Variants in DGKG observed in about 807,000 individuals in gnomAD.
DGKG encodes the protein diacylglycerol kinase gamma.
A neutral mutation model predicts 105.3 loss-of-function variants in DGKG; 78 were observed. The ratio of observed to expected loss-of-function variants is 0.74; its 90% CI spans 0.62 to 0.89. The LOEUF is 0.89. DGKG is among the 40% of genes least tolerant of loss of function. DGKG has a pLI of 0.00. For synonymous variants in DGKG, 346 were observed against 367.1 expected, an observed-to-expected ratio of 0.94 and a Z score of 0.66; for missense variants, 958 against 1,020.1, an observed-to-expected ratio of 0.94 and a Z score of 0.83.
chr3:186,176,780 G>T (rs1472149400), intron 22 of DGKG, among the ~76,000 whole-genome samples: 1 of 152,214 alleles, frequency 6.6e-6, no homozygotes. Flanking sequence ...CCAAGTAAGT[G>T]ATTAACACAT....
intron 20 of DGKG, among the ~76,000 whole-genome samples, chr3:186,223,843 T>C (rs1432800278): frequency 6.6e-6 from 1 of 152,248 alleles, no homozygotes; most frequent in Non-Finnish European, 1.5e-5. Context: ...TCACCTGGCC[T>C]GGTGGTGCAG....
chr3:186,159,986 A>C (rs1193042246), intron 24 of DGKG: 1 of 178,132 alleles, frequency 5.6e-6, no homozygotes, highest in Non-Finnish European at 1.1e-5. Context: ...GCCTCCCCAG[A>C]AACCAGCCCT....
At chr3:186,275,731 C>T in intron 9 of DGKG, 67 bp from the exon 10 acceptor site, 1 of 1,014,656 alleles carries the variant, frequency 9.9e-7, no homozygotes. Flanking sequence ...CAGGGGCTGC[C>T]TCTTGCATGT....
intron 20 of DGKG, among the ~76,000 whole-genome samples, chr3:186,237,217 A>G (rs55714289): frequency 0.082 from 12,520 of 152,132 alleles, 900 homozygotes; most frequent in African/African-American, 0.19. Context: ...TACTGGCAAA[A>G]GTGTCTTCTT....
intron 19 of DGKG, among the ~76,000 whole-genome samples, chr3:186,243,040 G>A (rs993025900): frequency 1.3e-5 from 2 of 151,908 alleles, no homozygotes; most frequent in African/African-American, 4.8e-5. Context: ...ATAGCATAGA[G>A]TTCCTAGGTC....
chr3:186,191,786 T>TA (rs1717920325), intron 21 of DGKG, among the ~76,000 whole-genome samples: 2 of 152,230 alleles, frequency 1.3e-5, no homozygotes, highest in Admixed American at 6.5e-5. Context: ...CCTTTGCGTG[T>TA]ATGTGTACAG....
At chr3:186,294,536 CAAAAA>C (rs10574886) in intron 5 of DGKG, among the ~76,000 whole-genome samples, 3,801 of 106,858 alleles carry the variant, frequency 0.036, 196 homozygotes, top group African/African-American at 0.12. Context: ...AACTCTGTCT[CAAAAA>C]AAAAAAAAAA....
chr3:186,278,849 A>G (rs1225657940), intron 9 of DGKG, among the ~76,000 whole-genome samples: 1 of 152,146 alleles, frequency 6.6e-6, no homozygotes, highest in Admixed American at 6.6e-5. Context: ...GAGATCTGTA[A>G]TCTCAAAGTA....
rs1327789335 is a variant in DGKG at position 186,344,320 on chromosome 3, G to T, written c.-249+17626C>A. Among the ~76,000 whole-genome samples the T allele has an allele frequency of 3.3e-5, 5 of 152,172 alleles. No individual in the cohort carries two copies. The East Asian group carries it at 9.6e-4, about 29-fold the overall frequency. On this transcript the variant is annotated intron_variant, in intron 1 of 24. Coordinates refer to ENST00000265022, the MANE Select transcript of DGKG (RefSeq NM_001346.3). ...CTGCAGCACTATTCACAATAGCAAA[G>T]ACATGGAATGAGCATAAATGCTCAT... is the stretch of plus-strand genomic sequence containing the variant.
intron 19 of DGKG, among the ~76,000 whole-genome samples, chr3:186,250,319 G>A (rs1207994252): frequency 1.3e-5 from 2 of 152,040 alleles, no homozygotes; most frequent in African/African-American, 4.8e-5. Context: ...ACACACACTG[G>A]GGCCTGTGGG....
At chr3:186,199,092 C>T (rs1477673456) in intron 21 of DGKG, among the ~76,000 whole-genome samples, 1 of 151,740 alleles carries the variant, frequency 6.6e-6, no homozygotes, top group Non-Finnish European at 1.5e-5. Flanking sequence ...GGACTACAGG[C>T]GCATGCCACC....
chr3:186,280,608 G>A, intron 8 of DGKG, 62 bp downstream of exon 8: 1 of 1,314,674 alleles, frequency 7.6e-7, no homozygotes, highest in Non-Finnish European at 1.1e-6. Flanking sequence ...CATGTCTTGA[G>A]TGTGTCCCCC....
rs377678445 is a variant in DGKG at position 186,280,708 on chromosome 3, C to A, written c.631G>T (p.Ala211Ser). 1 of 1,614,072 alleles carries A rather than the reference C, an allele frequency of 6.2e-7. No homozygotes were observed. The highest frequency in any genetic ancestry group is 8.5e-7 in the Non-Finnish European group (1 of 1,179,992). ...DCIVNQMLHI[A>S]QYLEWDPTEL... is the part of the protein sequence containing the mutation. ...GTGGGATCCCACTCCAGGTACTGGG[C>A]AATATGCAGCATTTGGTTGACAATG... Residue 211 changes from alanine (A) to serine (S), a missense_variant, in exon 8 of 25, where the codon GCC becomes TCC. By Grantham distance (99) the Ala-to-Ser change is moderately conservative. Transcript: ENST00000265022.
chr3:186,163,191 A>G (rs1291570996), intron 23 of DGKG, among the ~76,000 whole-genome samples: 1 of 152,032 alleles, frequency 6.6e-6, no homozygotes, highest in Non-Finnish European at 1.5e-5. Flanking sequence ...TCTTTTGTAG[A>G]AGGGGGTCTT....
chr3:186,207,064 T>A (rs546741536), intron 21 of DGKG, among the ~76,000 whole-genome samples: 3 of 152,260 alleles, frequency 2.0e-5, no homozygotes, highest in Admixed American at 2.0e-4. Flanking sequence ...GCTGGCTTCT[T>A]AATTAGGGCC....
At chr3:186,255,594 G>GT (rs1721428155) in intron 17 of DGKG, among the ~76,000 whole-genome samples, 2 of 152,250 alleles carry the variant, frequency 1.3e-5, no homozygotes, top group Non-Finnish European at 2.9e-5. Flanking sequence ...GATGGGCCGG[G>GT]ACCTGAGTCC....
At chr3:186,204,879 A>C (rs1718646646) in intron 21 of DGKG, among the ~76,000 whole-genome samples, 1 of 152,116 alleles carries the variant, frequency 6.6e-6, no homozygotes, top group South Asian at 2.1e-4. Flanking sequence ...TGATGTTCCC[A>C]CCAGCAGTGT....
At position 186,342,069 on chromosome 3, in the gene DGKG, T is replaced by C. The variant is rs1726114222; in HGVS notation, c.-249+19877A>G. On this transcript the variant is annotated intron_variant, in intron 1 of 24. Coordinates refer to ENST00000265022, the MANE Select transcript of DGKG (RefSeq NM_001346.3). Reference sequence around the variant, plus strand: ...ACTGGGAGATATACCTAATGCTAGATGACGAGTTAGTGGGTGCAGTGCACC... The same window carrying C: ...ACTGGGAGATATACCTAATGCTAGACGACGAGTTAGTGGGTGCAGTGCACC... Among the ~76,000 whole-genome samples, 3 of 152,136 alleles carry C rather than the reference T, an allele frequency of 2.0e-5. No individual in the cohort carries two copies. In the South Asian group the frequency reaches 6.2e-4, roughly 32 times the overall value.
intron 17 of DGKG, 162 bp downstream of exon 17, chr3:186,257,692 T>A (rs1721549101): frequency 1.7e-6 from 1 of 581,750 alleles, no homozygotes; most frequent in Non-Finnish European, 3.1e-6. Context: ...TTTTTTTTTT[T>A]TTTTTCCACC....
Sources: gnomAD v4.1 joint callset for allele counts (sites outside exome capture counted in the v4.1 genomes callset) on GRCh38, gnomAD v4.1.1 for gene constraint, MANE v1.5 for transcripts, NCBI Gene and HGNC (gene_info 2026-07-23, HGNC 2026-07-21) for gene names.